The following AMMECR1L variants were observed in gnomAD, a reference collection of about 807,000 sequenced individuals.
AMMECR1L encodes the protein AMMECR1-like protein.
Under a neutral mutation model 36.8 loss-of-function variants are expected in AMMECR1L, and 4 were observed. The ratio of observed to expected loss-of-function variants is 0.11; its 90% confidence interval spans 0.05 to 0.25. AMMECR1L has a LOEUF of 0.25. Ranked by LOEUF, AMMECR1L falls within the 10% of genes least tolerant of loss-of-function variation. The pLI, the probability that AMMECR1L is intolerant of heterozygous loss-of-function variation, is 1.00. For missense variants in AMMECR1L, 232 were observed against 392.1 expected (o/e 0.59, Z 3.45); for synonymous variants, 147 against 148.0 (o/e 0.99, Z 0.05).
rs115406746 is a variant in AMMECR1L, at chr2:127,875,139, C to T, written c.-38-867G>A. ...CACAGCCTCCTCCCAGCTGATGATG[C>T]GAAGGGAAGGAAGGGATTTTTTTTT... On this transcript the variant is annotated intron_variant, in intron 2 of 7. Coordinates refer to ENST00000272647, the MANE Select transcript of AMMECR1L (RefSeq NM_001199140.2). Among the ~76,000 whole-genome samples the T allele has an allele frequency of 9.7e-3, 1,463 of 151,426 alleles. 19 individuals are homozygous for T. The highest frequency in any genetic ancestry group is 0.019 in the Admixed American group (281 of 15,124).
chr2:127,866,038 T>C (rs549701872), intron 7 of AMMECR1L, among the ~76,000 whole-genome samples: 1 of 152,378 alleles, frequency 6.6e-6, no homozygotes, highest in South Asian at 2.1e-4. Flanking sequence ...GAGTTTTTTG[T>C]TGTTTTTTAA....
chr2:127,878,332 C>G (rs759335600), intron 2 of AMMECR1L, among the ~76,000 whole-genome samples: 2 of 152,154 alleles, frequency 1.3e-5, no homozygotes, highest in Non-Finnish European at 2.9e-5. Flanking sequence ...GATGAAGCAG[C>G]AGGACCGCAT....
intron 2 of AMMECR1L, among the ~76,000 whole-genome samples, chr2:127,879,205 C>G (rs1691380901): frequency 6.6e-6 from 1 of 152,214 alleles, no homozygotes; most frequent in Admixed American, 6.5e-5. Context: ...GAATTGTAAT[C>G]CCCAGTGTTA....
chr2:127,871,853 A>G lies in AMMECR1L; in HGVS notation c.408-494T>C, dbSNP rs965731092. ...AATATTTCCACTCACAAATTTTCAG[A>G]AAAAAAAGTTCCCTCAAAAAACATT... On this transcript the variant is annotated intron_variant, in intron 3 of 7. Coordinates refer to ENST00000272647, the MANE Select transcript of AMMECR1L (RefSeq NM_001199140.2). The surrounding 1 kb of genome is among the most constrained non-coding windows in gnomAD (Gnocchi z 4.3). Among the ~76,000 whole-genome samples, 2 of 152,034 alleles carry G rather than the reference A, an allele frequency of 1.3e-5. No individual in the cohort carries two copies. Among genetic ancestry groups the G allele is most frequent in the Non-Finnish European group, 2.9e-5 (2 of 68,012 alleles).
In AMMECR1L at chr2:127,865,598, A is replaced by G. The variant is rs1265877038; in HGVS notation, c.822-393T>C. Among the ~76,000 whole-genome samples the G allele has an allele frequency of 6.6e-6, 1 of 152,258 alleles. No homozygotes were observed. The highest frequency in any genetic ancestry group is 1.5e-5 in the Non-Finnish European group (1 of 68,044). On this transcript the variant is annotated intron_variant, in intron 7 of 7. Coordinates refer to ENST00000272647, the MANE Select transcript of AMMECR1L (RefSeq NM_001199140.2). The surrounding 1 kb of genome is among the most constrained non-coding windows in gnomAD (Gnocchi z 5.4). ...CAAACTGCACATCTACTTCCAGAGTAAATGTGATACATTTGACAGAAATGC... is the reference window on the plus strand; with the variant it reads ...CAAACTGCACATCTACTTCCAGAGTGAATGTGATACATTTGACAGAAATGC...
Position 127,873,493 on chromosome 2 carries a change from C to T in AMMECR1L, c.407+335G>A, listed in dbSNP as rs942409001. ...CCTGGACTTCAACACTATGGGTGTCCCCAATGGTATGGCGTGACTTCCCCA... is the reference window on the plus strand; with the variant it reads ...CCTGGACTTCAACACTATGGGTGTCTCCAATGGTATGGCGTGACTTCCCCA... On this transcript the variant is annotated intron_variant, in intron 3 of 7. Coordinates refer to ENST00000272647, the MANE Select transcript of AMMECR1L (RefSeq NM_001199140.2). The surrounding 1 kb of genome is among the most constrained non-coding windows in gnomAD (Gnocchi z 5.2). 1 of 985,302 alleles carries T rather than the reference C, an allele frequency of 1.0e-6. No homozygotes were observed. The highest frequency in any genetic ancestry group is 1.2e-6 in the Non-Finnish European group (1 of 829,936). 61.0% of individuals were successfully genotyped at this position (985,302 alleles called of 1,614,324 possible). A position where few individuals can be genotyped will look rare whatever the true frequency, so the allele number is the denominator to read the frequency against.
In AMMECR1L at chr2:127,865,549, A is replaced by G. The variant is rs1690648215; in HGVS notation, c.822-344T>C. On this transcript the variant is annotated intron_variant, in intron 7 of 7. Coordinates refer to ENST00000272647, the MANE Select transcript of AMMECR1L (RefSeq NM_001199140.2). This position sits in a 1 kb window ranked among gnomAD's most constrained non-coding sequence, Gnocchi z 5.4. ...CAAATTACTCGGGTGGCAGATTGGA[A>G]GATGGCTGCACCAAAACCCAGTGCA... Among the ~76,000 whole-genome samples the G allele has an allele frequency of 6.6e-6, 1 of 152,262 alleles. No individual in the cohort carries two copies. Among genetic ancestry groups the G allele is most frequent in the Admixed American group, 6.5e-5 (1 of 15,286 alleles).
At chr2:127,870,424 G>C (rs1022155589) in intron 5 of AMMECR1L, among the ~76,000 whole-genome samples, 1 of 151,856 alleles carries the variant, frequency 6.6e-6, no homozygotes, top group African/African-American at 2.4e-5. Flanking sequence ...GCAGTAAGCC[G>C]AGATCACGTC....
chr2:127,866,665 T>C (rs555482295), intron 7 of AMMECR1L, among the ~76,000 whole-genome samples: 3 of 152,212 alleles, frequency 2.0e-5, no homozygotes, highest in Non-Finnish European at 4.4e-5. Context: ...ATCCACAGCC[T>C]GCAGGGCAGA....
In AMMECR1L at chr2:127,873,394, C is replaced by T; in HGVS notation, c.407+434G>A. The T allele has an allele frequency of 1.0e-6, 1 of 985,388 alleles. No homozygotes were observed. The highest frequency in any genetic ancestry group is 1.2e-6 in the Non-Finnish European group (1 of 829,906). 61.0% of individuals were successfully genotyped at this position (985,388 alleles called of 1,614,324 possible). On this transcript the variant is annotated intron_variant, in intron 3 of 7. Coordinates refer to ENST00000272647, the MANE Select transcript of AMMECR1L (RefSeq NM_001199140.2). This position sits in a 1 kb window ranked among gnomAD's most constrained non-coding sequence, Gnocchi z 5.2. ...TTCTCATGAACAAAGTGAGGGGACC[C>T]CTGTTAACCAAATCGCAGATCCCAG...
chr2:127,873,685 T>C lies in AMMECR1L; in HGVS notation c.407+143A>G, dbSNP rs1278068196. 2 of 1,551,556 alleles carry C rather than the reference T, an allele frequency of 1.3e-6. No homozygotes were observed. The highest frequency in any genetic ancestry group is 1.7e-6 in the Non-Finnish European group (2 of 1,161,186). The stretch of plus-strand genomic sequence containing the variant: ...TCCACTGAATGTTTTAAATATTCTC[T>C]GGACATTTCTTATCATTCTCTTCCC... On this transcript the variant is annotated intron_variant, in intron 3 of 7. Coordinates refer to ENST00000272647, the MANE Select transcript of AMMECR1L (RefSeq NM_001199140.2). This position sits in a 1 kb window ranked among gnomAD's most constrained non-coding sequence, Gnocchi z 5.2.
At chr2:127,876,703 A>T (rs1404904581) in intron 2 of AMMECR1L, among the ~76,000 whole-genome samples, 2 of 152,142 alleles carry the variant, frequency 1.3e-5, no homozygotes, top group African/African-American at 4.8e-5. Flanking sequence ...TCCTAGGGTT[A>T]GGTGAATTAA....
At position 127,871,024 on chromosome 2, in the gene AMMECR1L, G is replaced by T; in HGVS notation, c.519-96C>A. 1 of 1,011,422 alleles carries T rather than the reference G, an allele frequency of 9.9e-7. No individual in the cohort carries two copies. The highest frequency in any genetic ancestry group is 1.5e-6 in the Non-Finnish European group (1 of 686,202). 62.7% of individuals were successfully genotyped at this position (1,011,422 alleles called of 1,614,324 possible). A position where few individuals can be genotyped will look rare whatever the true frequency, so the allele number is the denominator to read the frequency against. The stretch of plus-strand genomic sequence containing the variant: ...CACATATTTATGAATCTTGAGCTAT[G>T]CAGAGAGTATCTATTGTTCATCAAC... On this transcript the variant is annotated intron_variant, in intron 4 of 7. Coordinates refer to ENST00000272647, the MANE Select transcript of AMMECR1L (RefSeq NM_001199140.2). The surrounding 1 kb of genome is among the most constrained non-coding windows in gnomAD (Gnocchi z 4.3).
chr2:127,865,149 T>C lies in AMMECR1L; in HGVS notation c.878A>G (p.His293Arg). The change falls in exon 8 of 8, where the codon CAC (histidine) becomes CGC (arginine). Residue 293 changes from histidine to arginine, a missense_variant. This residue lies in a region of AMMECR1L where 40 missense variants were observed against 34.5 expected (regional missense o/e 1.16). Coordinates refer to ENST00000272647, the MANE Select transcript of AMMECR1L (RefSeq NM_001199140.2). The surrounding 1 kb of genome is among the most constrained non-coding windows in gnomAD (Gnocchi z 5.4). ...ATGAAGAGTGCCGTTCTGGAAACAG[T>C]GCTGTCGGGAAGCAATATACTCTGC... ...SYAEYIASRQ[H>R]CFQNGTLHAP... is the part of the protein sequence containing the mutation. The C allele has an allele frequency of 6.2e-7, 1 of 1,613,970 alleles. No homozygotes were observed. Among genetic ancestry groups the C allele is most frequent in the Non-Finnish European group, 8.5e-7 (1 of 1,179,936 alleles).
intron 7 of AMMECR1L, 40 bp downstream of exon 7, chr2:127,866,860 A>G (rs1251176619): frequency 3.8e-6 from 6 of 1,575,368 alleles, no homozygotes; most frequent in Middle Eastern, 1.7e-4. Flanking sequence ...TTCAACCCCA[A>G]CTAAATTGAA....
At position 127,873,994 on chromosome 2, in the gene AMMECR1L, G is replaced by A; in HGVS notation, c.241C>T (p.Pro81Ser). 6.2e-7 allele frequency: 1 copy of A among 1,614,246 alleles called. No individual in the cohort carries two copies. The highest frequency in any genetic ancestry group is 1.1e-5 in the South Asian group (1 of 91,080). Residue 81 changes from proline to serine, a missense_variant, in exon 3 of 8, where the codon CCC becomes TCC. By Grantham distance (74) the Pro-to-Ser change is moderately conservative. Transcript: ENST00000272647. The surrounding 1 kb of genome is among the most constrained non-coding windows in gnomAD (Gnocchi z 5.2). ...PGNSPITRMN[P>S]ASGALSPLPR... Reference sequence around the variant, plus strand: ...AGAGGGCTCAGCGCTCCCGATGCGGGATTCATTCGTGTGATGGGAGAGTTT... The same window carrying A: ...AGAGGGCTCAGCGCTCCCGATGCGGAATTCATTCGTGTGATGGGAGAGTTT...
In AMMECR1L at chr2:127,864,953, G is replaced by A; in HGVS notation, c.*141C>T. On this transcript the variant is annotated 3_prime_UTR_variant, in exon 8 of 8. Coordinates refer to ENST00000272647, the MANE Select transcript of AMMECR1L (RefSeq NM_001199140.2). ...CCCTACCCTCCCTCAGTCAGCGGGA[G>A]GCAGACTTGGCAACGGAAGCTAGCA... is the stretch of plus-strand genomic sequence containing the variant. 1.6e-6 allele frequency: 1 copy of A among 627,770 alleles called. No individual in the cohort carries two copies. The highest frequency in any genetic ancestry group is 2.8e-6 in the Non-Finnish European group (1 of 356,870). The allele number at this position is 627,770 out of a possible 1,614,324, so 38.9% of individuals were successfully genotyped here. A position where few individuals can be genotyped will look rare whatever the true frequency, so the allele number is the denominator to read the frequency against.
Position 127,865,055 on chromosome 2 carries a change from G to T in AMMECR1L, c.*39C>A. On this transcript the variant is annotated 3_prime_UTR_variant, in exon 8 of 8. Coordinates refer to ENST00000272647, the MANE Select transcript of AMMECR1L (RefSeq NM_001199140.2). The surrounding 1 kb of genome is among the most constrained non-coding windows in gnomAD (Gnocchi z 5.4). Reference sequence around the variant, plus strand: ...TGCTCCAATGATGTCATAGCCATTGGTGGCCACGGGGGGGTGGGACTGGTC... The same window carrying T: ...TGCTCCAATGATGTCATAGCCATTGTTGGCCACGGGGGGGTGGGACTGGTC... 6.8e-7 allele frequency: 1 copy of T among 1,472,338 alleles called. No individual in the cohort carries two copies. The highest frequency in any genetic ancestry group is 9.5e-7 in the Non-Finnish European group (1 of 1,056,104). The allele number at this position is 1,472,338 out of a possible 1,614,324, so 91.2% of individuals were successfully genotyped here. A position where few individuals can be genotyped will look rare whatever the true frequency, so the allele number is the denominator to read the frequency against.
rs1278438582 is a variant in AMMECR1L at position 127,861,787 on chromosome 2, T to A, written c.*3307A>T. On this transcript the variant is annotated 3_prime_UTR_variant, in exon 8 of 8. Transcript: ENST00000272647. ...CATATAGTCTCTTGCTTCAGGGAAG[T>A]AAGAACGAAATGAACAAAAAGAACA... The A allele has an allele frequency of 6.6e-6, 1 of 152,128 alleles. No homozygotes were observed. Among genetic ancestry groups the A allele is most frequent in the Non-Finnish European group, 1.5e-5 (1 of 68,018 alleles). 9.4% of individuals were successfully genotyped at this position (152,128 alleles called of 1,614,324 possible).
Sources: allele counts gnomAD v4.1 joint callset (sites outside exome capture counted in the v4.1 genomes callset), GRCh38; gene constraint gnomAD v4.1.1; regional missense constraint gnomAD v4.1.1; non-coding constraint Gnocchi (gnomAD v3.1); transcripts MANE v1.5; gene names NCBI Gene and HGNC (gene_info 2026-07-23, HGNC 2026-07-21).